Variants in FASTKD1 observed in about 807,000 individuals in gnomAD.
The protein encoded by FASTKD1 is FAST kinase domains 1, also known as FAST kinase domain-containing protein 1, mitochondrial.
Under a neutral mutation model 90.9 loss-of-function variants are expected in FASTKD1, and 94 were observed. That is an observed-to-expected ratio of 1.03 (90% CI 0.88 to 1.23). FASTKD1 has a LOEUF of 1.23. Among genes scored for constraint, FASTKD1 ranks in the 50% most tolerant of loss-of-function variants. The pLI is 0.00. For missense variants in FASTKD1, 945 were observed against 993.5 expected (o/e 0.95, Z 0.66); for synonymous variants, 319 against 345.8 (o/e 0.92, Z 0.86).
chr2:169,558,920 C>T (rs1397914929), intron 5 of FASTKD1, among the ~76,000 whole-genome samples: 3 of 151,654 alleles, frequency 2.0e-5, no homozygotes, highest in Non-Finnish European at 2.9e-5. Flanking sequence ...CACCTTGTTT[C>T]CATCTTGATA....
Position 169,560,729 on chromosome 2 carries a change from T to C in FASTKD1, c.629A>G (p.Gln210Arg), listed in dbSNP as rs1244296284. ...ISSLISRHFQ[Q>R]QLVNKTELLF... is the part of the protein sequence containing the mutation. ...AAGTTCTGTTTTGTTCACCAGTTGT[T>C]GTTGAAAATGTCGTGATATTAAAGA... The change falls in exon 5 of 15, where the codon CAA (glutamine) becomes CGA (arginine). Residue 210 changes from glutamine (Q) to arginine (R), a missense_variant. By Grantham distance (43) the Gln-to-Arg change is conservative. Coordinates refer to ENST00000453153, the MANE Select transcript of FASTKD1 (RefSeq NM_024622.6). 1.5e-5 allele frequency: 24 copies of C among 1,600,286 alleles called. No homozygotes were observed. The highest frequency in any genetic ancestry group is 2.0e-5 in the Non-Finnish European group (23 of 1,175,010).
At position 169,529,497 on chromosome 2, in the gene FASTKD1, T is replaced by G. The variant is rs1684385273; in HGVS notation, c.*328A>C. Among the ~76,000 whole-genome samples, 2 of 152,252 alleles carry G rather than the reference T, an allele frequency of 1.3e-5. No individual in the cohort carries two copies. On this transcript the variant is annotated 3_prime_UTR_variant, in exon 15 of 15. Transcript: ENST00000453153. The stretch of plus-strand genomic sequence containing the variant: ...TACACATTTGCCTCATCGTAGTCTT[T>G]TCTTATCTCAACAAGGTAGCCAAAG...
At chr2:169,540,367 G>T (rs1684913877) in intron 9 of FASTKD1, among the ~76,000 whole-genome samples, 188 bp from the exon 10 acceptor site, 1 of 152,184 alleles carries the variant, frequency 6.6e-6, no homozygotes, top group Admixed American at 6.5e-5. Context: ...AGGAAAAGGG[G>T]ACAAGAGGAG....
Position 169,553,154 on chromosome 2 carries a change from G to A in FASTKD1, c.1214+1970C>T, listed in dbSNP as rs189939656. On this transcript the variant is annotated intron_variant, in intron 7 of 14. Transcript: ENST00000453153. ...TGGGAGGCGGAGGTTGCAGTGAGCC[G>A]AGATCATGCTCTACTGCAGCCTGGG... is the stretch of plus-strand genomic sequence containing the variant. Among the ~76,000 whole-genome samples, 22 of 151,770 alleles carry A rather than the reference G, an allele frequency of 1.4e-4. No individual in the cohort carries two copies. The East Asian group carries it at 4.1e-3, about 28-fold the overall frequency.
chr2:169,562,219 G>GT (rs1005312417), intron 4 of FASTKD1, among the ~76,000 whole-genome samples: 34 of 143,434 alleles, frequency 2.4e-4, no homozygotes, highest in African/African-American at 6.2e-4. Flanking sequence ...TTTTGTTACT[G>GT]TTTTTTTTTC....
rs528524218 is a variant in FASTKD1, at chr2:169,559,571, C to T, written c.971+816G>A. Among the ~76,000 whole-genome samples, 8 of 152,312 alleles carry T rather than the reference C, an allele frequency of 5.3e-5. No individual in the cohort carries two copies. The South Asian group carries it at 8.3e-4, about 16-fold the overall frequency. ...TAGCTGGGAATCTAGGTGGGCACCA[C>T]CACATCTGGCTAATTTTGTATTTTT... On this transcript the variant is annotated intron_variant, in intron 5 of 14. Transcript: ENST00000453153.
chr2:169,557,163 C>A (rs373452464), intron 6 of FASTKD1, 24 bp downstream of exon 6: 2 of 1,424,720 alleles, frequency 1.4e-6, no homozygotes, highest in African/African-American at 2.8e-5. Flanking sequence ...ACAAACTTAA[C>A]GTCGTAAATT....
At chr2:169,542,685 C>T (rs1423657740) in intron 9 of FASTKD1, among the ~76,000 whole-genome samples, 1 of 152,138 alleles carries the variant, frequency 6.6e-6, no homozygotes, top group Non-Finnish European at 1.5e-5. Flanking sequence ...GGCAACGTAG[C>T]AAGACCCCAT....
intron 12 of FASTKD1, among the ~76,000 whole-genome samples, chr2:169,534,604 C>T (rs1412784203): frequency 2.0e-5 from 3 of 151,872 alleles, no homozygotes; most frequent in African/African-American, 4.8e-5. Context: ...GGATTACAGG[C>T]GTGCGCCACC....
chr2:169,537,012 T>TC (rs774571341), intron 12 of FASTKD1: 490 of 282,996 alleles, frequency 1.7e-3, no homozygotes, highest in South Asian at 8.2e-3. Context: ...TTTTTTTTTT[T>TC]CTAAAGAATA....
At chr2:169,556,355 G>A (rs1175086305) in intron 6 of FASTKD1, among the ~76,000 whole-genome samples, 1 of 150,958 alleles carries the variant, frequency 6.6e-6, no homozygotes, top group Non-Finnish European at 1.5e-5. Flanking sequence ...AGGATCAATT[G>A]AGCCTGGGAG....
chr2:169,550,875 T>C (rs888753829), intron 7 of FASTKD1, among the ~76,000 whole-genome samples: 1 of 152,236 alleles, frequency 6.6e-6, no homozygotes, highest in Non-Finnish European at 1.5e-5. Context: ...CACTATTTTA[T>C]ATTAAGAAAT....
intron 6 of FASTKD1, among the ~76,000 whole-genome samples, chr2:169,555,894 A>T (rs1683278787): frequency 6.6e-6 from 1 of 152,154 alleles, no homozygotes; most frequent in Admixed American, 6.5e-5. Context: ...ATAGACATTG[A>T]CTGTGCTGCA....
intron 12 of FASTKD1, among the ~76,000 whole-genome samples, chr2:169,532,022 T>A (rs994207290): frequency 2.6e-5 from 4 of 152,164 alleles, no homozygotes; most frequent in African/African-American, 9.7e-5. Context: ...CAATGAGTGA[T>A]CATTAATAAC....
Position 169,563,808 on chromosome 2 carries a change from A to T in FASTKD1, c.447-458T>A, listed in dbSNP as rs114627461. On this transcript the variant is annotated intron_variant, in intron 3 of 14. Coordinates refer to ENST00000453153, the MANE Select transcript of FASTKD1 (RefSeq NM_024622.6). ...ACAGCAACACATATGTAATAGCAAA[A>T]CCCTGCAAAAAACCCGAATGTCCAT... Among the ~76,000 whole-genome samples, 1,061 of 152,268 alleles carry T rather than the reference A, an allele frequency of 7.0e-3. 19 individuals carry two copies. Among genetic ancestry groups the T allele is most frequent in the African/African-American group, 0.024 (980 of 41,570 alleles).
chr2:169,536,409 T>G (rs567984637), intron 12 of FASTKD1, among the ~76,000 whole-genome samples: 1 of 150,728 alleles, frequency 6.6e-6, no homozygotes, highest in Non-Finnish European at 1.5e-5. Flanking sequence ...ATGCAAAAAA[T>G]ATATATATAT....
chr2:169,565,248 G>GTT (rs1559159903), intron 3 of FASTKD1, among the ~76,000 whole-genome samples: 4 of 67,736 alleles, frequency 5.9e-5, no homozygotes, highest in African/African-American at 9.9e-5. Flanking sequence ...ACCACACCAG[G>GTT]CTTTTTTTTT....
chr2:169,555,789 A>G (rs117299699), intron 6 of FASTKD1, among the ~76,000 whole-genome samples: 4,176 of 152,326 alleles, frequency 0.027, 83 homozygotes, highest in East Asian at 0.1. Context: ...ATGTAAGTAT[A>G]TATTTTTTCT....
intron 1 of FASTKD1, among the ~76,000 whole-genome samples, chr2:169,572,424 C>A (rs1684275398): frequency 2.0e-5 from 3 of 151,634 alleles, no homozygotes; most frequent in African/African-American, 7.3e-5. Flanking sequence ...AAAAAAAAGC[C>A]CACAAACTCA....
Sources: allele counts gnomAD v4.1 joint callset (sites outside exome capture counted in the v4.1 genomes callset), GRCh38; gene constraint gnomAD v4.1.1; transcripts MANE v1.5; gene names NCBI Gene and HGNC (gene_info 2026-07-23, HGNC 2026-07-21).